CLSTN2: variants seen among roughly 807,000 people sequenced by gnomAD.
The protein encoded by CLSTN2 is calsyntenin-2.
A neutral mutation model predicts 101.2 loss-of-function variants in CLSTN2; 48 were observed. The ratio of observed to expected loss-of-function variants is 0.47; its 90% confidence interval spans 0.38 to 0.60. CLSTN2 has a LOEUF of 0.60. Among genes scored for constraint, CLSTN2 ranks in the 20% least tolerant of loss-of-function variants. CLSTN2 has a pLI of 0.00. For missense variants in CLSTN2, 1,160 were observed against 1,238.2 expected (o/e 0.94, Z 0.95); for synonymous variants, 481 against 463.6 (o/e 1.04, Z -0.48).
At chr3:140,269,747 A>C (rs1001639494) in intron 2 of CLSTN2, among the ~76,000 whole-genome samples, 1 of 152,216 alleles carries the variant, frequency 6.6e-6, no homozygotes, top group South Asian at 2.1e-4. Context: ...CTGCACCTAC[A>C]GGGTACTTCT....
At chr3:140,550,814 AC>A (rs1935686546) in intron 10 of CLSTN2, among the ~76,000 whole-genome samples, 1 of 151,138 alleles carries the variant, frequency 6.6e-6, no homozygotes, top group African/African-American at 2.5e-5. Context: ...GGATACTGAA[AC>A]TTTTTATAAC....
At chr3:140,460,530 C>T (rs1255885704) in intron 7 of CLSTN2, among the ~76,000 whole-genome samples, 6 of 152,272 alleles carry the variant, frequency 3.9e-5, no homozygotes, top group Non-Finnish European at 7.4e-5. Flanking sequence ...AAACACAAGT[C>T]TCTATAATTA....
At chr3:140,110,173 T>C (rs949248450) in intron 1 of CLSTN2, among the ~76,000 whole-genome samples, 1 of 152,238 alleles carries the variant, frequency 6.6e-6, no homozygotes, top group African/African-American at 2.4e-5. Context: ...AGTCATTTTA[T>C]TTTGAGGCAC....
intron 1 of CLSTN2, among the ~76,000 whole-genome samples, chr3:140,083,454 G>A (rs2107782222): frequency 6.6e-6 from 1 of 152,322 alleles, no homozygotes; most frequent in Non-Finnish European, 1.5e-5. Context: ...ATTAATGATT[G>A]GTTGGATGAA....
chr3:140,371,723 A>C (rs1204767317), intron 2 of CLSTN2, among the ~76,000 whole-genome samples: 1 of 152,174 alleles, frequency 6.6e-6, no homozygotes, highest in Non-Finnish European at 1.5e-5. Flanking sequence ...CACAAGCATT[A>C]ATTTCTTGGC....
chr3:140,142,185 G>A (rs2009711851), intron 1 of CLSTN2, among the ~76,000 whole-genome samples: 3 of 152,142 alleles, frequency 2.0e-5, no homozygotes, highest in South Asian at 2.1e-4. Flanking sequence ...GTGTGTTTGC[G>A]AAGTCCCAAC....
chr3:140,323,871 G>T (rs2087306682), intron 2 of CLSTN2, among the ~76,000 whole-genome samples: 1 of 152,220 alleles, frequency 6.6e-6, no homozygotes, highest in Non-Finnish European at 1.5e-5. Context: ...ATGGGCTTCT[G>T]TCCTGAGACT....
intron 8 of CLSTN2, among the ~76,000 whole-genome samples, chr3:140,483,847 CTA>C (rs1339715398): frequency 5.9e-5 from 9 of 152,134 alleles, no homozygotes; most frequent in Non-Finnish European, 1.3e-4. Context: ...TATTTTGAGC[CTA>C]TGTCTGTCCT....
chr3:140,282,567 T>G (rs1205378741), intron 2 of CLSTN2, among the ~76,000 whole-genome samples: 2 of 152,186 alleles, frequency 1.3e-5, no homozygotes, highest in Non-Finnish European at 2.9e-5. Context: ...TCAGTATTTT[T>G]AAAACACTCT....
At chr3:140,272,844 C>T (rs2086755565) in intron 2 of CLSTN2, among the ~76,000 whole-genome samples, 1 of 152,090 alleles carries the variant, frequency 6.6e-6, no homozygotes, top group Admixed American at 6.5e-5. Flanking sequence ...ATGGGAAAAT[C>T]ATGAAATCTT....
intron 2 of CLSTN2, among the ~76,000 whole-genome samples, chr3:140,240,808 C>T (rs1374165109): frequency 1.3e-5 from 2 of 152,136 alleles, no homozygotes; most frequent in Non-Finnish European, 2.9e-5. Context: ...AGGTGTTCTG[C>T]AGCTGGGGTA....
At chr3:140,451,177 T>C (rs1476168787) in intron 6 of CLSTN2, among the ~76,000 whole-genome samples, 1 of 152,196 alleles carries the variant, frequency 6.6e-6, no homozygotes, top group Non-Finnish European at 1.5e-5. Context: ...GAAGAGATGA[T>C]GGGATCAGCT....
At position 140,257,136 on chromosome 3, in the gene CLSTN2, A is replaced by T. The variant is rs1196204765; in HGVS notation, c.232+81063A>T. Among the ~76,000 whole-genome samples the T allele has an allele frequency of 9.9e-5, 15 of 152,234 alleles. No individual in the cohort carries two copies. The East Asian group carries it at 2.9e-3, about 29-fold the overall frequency. ...GAGTGACTGAAAAGGGATATTAAGG[A>T]TCACCTTCAAACTTGTAAAGCAAAT... On this transcript the variant is annotated intron_variant, in intron 2 of 16. Coordinates refer to ENST00000458420, the MANE Select transcript of CLSTN2 (RefSeq NM_022131.3).
intron 1 of CLSTN2, among the ~76,000 whole-genome samples, chr3:140,003,914 A>G (rs1049252657): frequency 2.0e-5 from 3 of 152,142 alleles, no homozygotes; most frequent in African/African-American, 7.2e-5. Context: ...CCATGAGTCC[A>G]TTTCTACGAT....
chr3:140,387,181 G>T (rs193109626), intron 2 of CLSTN2, among the ~76,000 whole-genome samples: 68 of 152,284 alleles, frequency 4.5e-4, no homozygotes, highest in African/African-American at 1.6e-3. Context: ...AAAAGCATGG[G>T]TAGGAGGAGA....
chr3:140,220,788 T>A (rs553398613), intron 2 of CLSTN2, among the ~76,000 whole-genome samples: 22 of 152,346 alleles, frequency 1.4e-4, no homozygotes, highest in Middle Eastern at 3.4e-3. Flanking sequence ...TGATTTGTGA[T>A]GGGGACAGGG....
Position 140,290,593 on chromosome 3 carries a change from A to G in CLSTN2, c.233-113036A>G, listed in dbSNP as rs572054196. ...TCAGTCTATGGGGCAAATCACACAC[A>G]AATACACCAATTACAATACAACCTA... On this transcript the variant is annotated intron_variant, in intron 2 of 16. Transcript: ENST00000458420. Among the ~76,000 whole-genome samples the G allele has an allele frequency of 1.3e-4, 20 of 152,330 alleles. No homozygotes were observed. In the South Asian group the frequency reaches 3.7e-3, roughly 28 times the overall value.
chr3:140,411,223 G>A (rs112341426), intron 4 of CLSTN2, among the ~76,000 whole-genome samples: 54 of 152,244 alleles, frequency 3.5e-4, no homozygotes, highest in African/African-American at 1.3e-3. Flanking sequence ...AAAAGTGAAG[G>A]TACGATAAAA....
chr3:140,487,670 G>A (rs538944930), intron 8 of CLSTN2, among the ~76,000 whole-genome samples: 9 of 152,298 alleles, frequency 5.9e-5, no homozygotes, highest in East Asian at 3.9e-4. Flanking sequence ...AAAGCCTAAC[G>A]TCTGCCTCCT....
Sources: allele counts gnomAD v4.1 joint callset (sites outside exome capture counted in the v4.1 genomes callset), GRCh38; gene constraint gnomAD v4.1.1; transcripts MANE v1.5; gene names NCBI Gene and HGNC (gene_info 2026-07-23, HGNC 2026-07-21).